Variants in NFATC1 observed in about 807,000 individuals in gnomAD.
NFATC1 encodes nuclear factor of activated T cells 1.
NFATC1 carries 22 observed loss-of-function variants against 76.0 expected under a neutral mutation model. That is an observed-to-expected ratio of 0.29 (90% CI 0.21 to 0.41). The LOEUF is 0.41. Ranked by LOEUF, NFATC1 falls within the 10% of genes least tolerant of loss-of-function variation. The pLI is 1.00. For synonymous variants in NFATC1, 704 were observed against 613.1 expected, an observed-to-expected ratio of 1.15 and a Z score of -2.19; for missense variants, 1,357 against 1,337.7, an observed-to-expected ratio of 1.01 and a Z score of -0.23.
intron 1 of NFATC1, chr18:79,402,218 G>T (rs145275782): frequency 4.1e-6 from 2 of 486,304 alleles, no homozygotes; most frequent in Admixed American, 6.4e-5. Flanking sequence ...CCGGGAAGAC[G>T]CACAGGAGGC....
chr18:79,513,858 A>C (rs983675737), intron 9 of NFATC1, among the ~76,000 whole-genome samples: 2 of 152,146 alleles, frequency 1.3e-5, no homozygotes, highest in African/African-American at 4.8e-5. Flanking sequence ...TGCCATGTGC[A>C]TGCCCACGTC....
chr18:79,514,301 G>A (rs542922390), intron 9 of NFATC1, among the ~76,000 whole-genome samples: 2 of 152,126 alleles, frequency 1.3e-5, no homozygotes, highest in African/African-American at 4.8e-5. Context: ...TTAGCCAGGT[G>A]TGGTGGTGCA....
intron 9 of NFATC1, among the ~76,000 whole-genome samples, chr18:79,491,551 A>G (rs911843401): frequency 2.6e-5 from 4 of 152,214 alleles, no homozygotes; most frequent in African/African-American, 9.6e-5. Flanking sequence ...ACACAAGGCC[A>G]GGGACCTCCT....
At chr18:79,516,951 A>G (rs2090400571) in intron 9 of NFATC1, among the ~76,000 whole-genome samples, 2 of 152,250 alleles carry the variant, frequency 1.3e-5, no homozygotes, top group Admixed American at 6.5e-5. Flanking sequence ...AAAGCTGTGT[A>G]TTCAGCAATT....
chr18:79,398,062 G>C (rs1424277115), intron 1 of NFATC1, among the ~76,000 whole-genome samples: 3 of 152,134 alleles, frequency 2.0e-5, no homozygotes, highest in Non-Finnish European at 2.9e-5. Flanking sequence ...GTCCTTCTGA[G>C]TAGGCCCCAC....
chr18:79,494,198 A>G (rs2089792911), intron 9 of NFATC1, among the ~76,000 whole-genome samples: 1 of 151,992 alleles, frequency 6.6e-6, no homozygotes, highest in South Asian at 2.1e-4. Flanking sequence ...GAGAAAGGCG[A>G]GAGCGGGCAC....
intron 3 of NFATC1, among the ~76,000 whole-genome samples, chr18:79,437,507 C>T (rs769613886): frequency 3.4e-4 from 52 of 152,324 alleles, no homozygotes; most frequent in Middle Eastern, 3.4e-3. Context: ...CTCGCCAGGC[C>T]GCTGGTTGCA....
chr18:79,401,028 C>G (rs999828192), intron 1 of NFATC1, among the ~76,000 whole-genome samples: 2 of 122,672 alleles, frequency 1.6e-5, no homozygotes, highest in African/African-American at 6.2e-5. Flanking sequence ...CCCGGAGCTA[C>G]CATGACCCCA....
chr18:79,460,781 G>A (rs555793037), intron 6 of NFATC1, among the ~76,000 whole-genome samples: 3 of 152,174 alleles, frequency 2.0e-5, no homozygotes, highest in East Asian at 1.9e-4. Context: ...TGGAGCCCCC[G>A]GCCCCCCGTC....
At chr18:79,478,446 C>T (rs975369639) in intron 8 of NFATC1, among the ~76,000 whole-genome samples, 3 of 152,132 alleles carry the variant, frequency 2.0e-5, no homozygotes, top group South Asian at 2.1e-4. Flanking sequence ...GGGTGAGGGG[C>T]TCTGCCTGCC....
chr18:79,445,655 G>A (rs750482477), intron 3 of NFATC1, among the ~76,000 whole-genome samples: 14 of 152,214 alleles, frequency 9.2e-5, no homozygotes, highest in Non-Finnish European at 1.9e-4. Context: ...CTTCCTTGGG[G>A]CAATTTGAAA....
chr18:79,402,574 C>G (rs1400782051), intron 1 of NFATC1, among the ~76,000 whole-genome samples: 9 of 152,170 alleles, frequency 5.9e-5, no homozygotes, highest in Admixed American at 5.9e-4. Flanking sequence ...CTGCTGTGTC[C>G]TTGCCCCTCC....
At chr18:79,404,896 T>C (rs901884381) in intron 1 of NFATC1, among the ~76,000 whole-genome samples, 3 of 152,220 alleles carry the variant, frequency 2.0e-5, no homozygotes, top group African/African-American at 7.2e-5. Flanking sequence ...TGACCAGAAG[T>C]ATTTCATGTA....
intron 4 of NFATC1, among the ~76,000 whole-genome samples, chr18:79,450,221 G>A (rs1476103065): frequency 1.3e-5 from 2 of 152,154 alleles, no homozygotes; most frequent in African/African-American, 4.8e-5. Flanking sequence ...TTAACTTACT[G>A]AAAAATACTG....
intron 3 of NFATC1, among the ~76,000 whole-genome samples, chr18:79,447,411 C>T (rs574499104): frequency 2.6e-5 from 4 of 151,718 alleles, no homozygotes; most frequent in African/African-American, 7.2e-5. Flanking sequence ...GGACTCTGCA[C>T]GTGGTCATCG....
intron 7 of NFATC1, among the ~76,000 whole-genome samples, chr18:79,466,028 C>T (rs28628153): frequency 0.063 from 9,529 of 152,318 alleles, 986 homozygotes; most frequent in African/African-American, 0.22. Context: ...AATTAAACAA[C>T]ACAGACCTGC....
intron 3 of NFATC1, among the ~76,000 whole-genome samples, chr18:79,436,243 G>A (rs1026818038): frequency 2.0e-5 from 3 of 152,250 alleles, no homozygotes; most frequent in African/African-American, 2.4e-5. Context: ...GCCTGGGGGC[G>A]CGAGGACGAG....
At chr18:79,413,528 G>A (rs2085769698) in intron 2 of NFATC1, among the ~76,000 whole-genome samples, 1 of 152,208 alleles carries the variant, frequency 6.6e-6, no homozygotes, top group Non-Finnish European at 1.5e-5. Flanking sequence ...TGGTCCTGCT[G>A]GGTTGGGGCC....
intron 9 of NFATC1, among the ~76,000 whole-genome samples, chr18:79,490,316 G>A (rs572166662): frequency 6.6e-6 from 1 of 151,760 alleles, no homozygotes; most frequent in African/African-American, 2.4e-5. Context: ...GGACAGGGTG[G>A]TCCCTGGTGC....
Sources: gnomAD v4.1 joint callset for allele counts (sites outside exome capture counted in the v4.1 genomes callset) on GRCh38, gnomAD v4.1.1 for gene constraint, MANE v1.5 for transcripts, NCBI Gene and HGNC (gene_info 2026-07-23, HGNC 2026-07-21) for gene names.